TENM2: variants seen among roughly 807,000 people sequenced by gnomAD.
The protein encoded by TENM2 is teneurin transmembrane protein 2.
Under a neutral mutation model 245.2 loss-of-function variants are expected in TENM2, and 52 were observed. That is an observed-to-expected ratio of 0.21 (90% CI 0.17 to 0.27). The LOEUF (loss-of-function observed/expected upper bound fraction) is 0.27. TENM2 is among the 10% of genes least tolerant of loss of function. TENM2 has a pLI of 1.00. For missense variants in TENM2, 3,046 were observed against 3,666.8 expected (o/e 0.83, Z 4.37); for synonymous variants, 1,363 against 1,438.9 (o/e 0.95, Z 1.19).
At chr5:168,260,550 C>T in intron 28 of TENM2, 137 bp downstream of exon 30, 1 of 988,234 alleles carries the variant, frequency 1.0e-6, no homozygotes, top group Non-Finnish European at 1.5e-6. Context: ...CACATTGAGA[C>T]TTCCCAGGAA....
At chr5:167,131,651 G>A in the TENM2 span, among the ~76,000 whole-genome samples, 2 of 152,058 alleles carry the variant, frequency 1.3e-5, no homozygotes, top group African/African-American at 2.4e-5. Flanking sequence ...TAAAAAGAAG[G>A]TGAGGAATAG....
chr5:167,108,223 T>C, the TENM2 span, among the ~76,000 whole-genome samples: 1 of 152,010 alleles, frequency 6.6e-6, no homozygotes, highest in East Asian at 1.9e-4. Flanking sequence ...CCTCCCAGGT[T>C]CAAGTGATTC....
intron 5 of TENM2, among the ~76,000 whole-genome samples, chr5:168,023,760 G>A (rs1786367191): frequency 6.6e-6 from 1 of 152,130 alleles, no homozygotes; most frequent in South Asian, 2.1e-4. Context: ...GCATTTGCCT[G>A]GAAAGGGGGA....
intron 1 of TENM2, among the ~76,000 whole-genome samples, chr5:167,358,803 G>GCACA (rs58530155): frequency 1.1e-3 from 156 of 143,966 alleles, no homozygotes; most frequent in African/African-American, 1.5e-3. Flanking sequence ...ATTCTGATCT[G>GCACA]CACACACACA....
intron 2 of TENM2, among the ~76,000 whole-genome samples, chr5:167,534,448 G>A (rs1771716846): frequency 1.3e-5 from 2 of 152,182 alleles, no homozygotes; most frequent in Non-Finnish European, 2.9e-5. Flanking sequence ...AAATACAGGA[G>A]AGCCAGTTAA....
intron 2 of TENM2, among the ~76,000 whole-genome samples, chr5:167,593,008 A>T (rs1775978582): frequency 1.3e-5 from 2 of 152,154 alleles, no homozygotes; most frequent in African/African-American, 4.8e-5. Context: ...TGTTTTAAAA[A>T]CTTTATTTTA....
At chr5:167,143,242 T>C in the TENM2 span, among the ~76,000 whole-genome samples, 1 of 152,188 alleles carries the variant, frequency 6.6e-6, no homozygotes, top group South Asian at 2.1e-4. Flanking sequence ...ATACGGGTAA[T>C]TGAGACAATA....
rs748674086 is a variant in TENM2 at position 168,247,851 on chromosome 5, C to T, written c.6912C>T (p.Gly2304=). 57 of 1,613,864 alleles carry T rather than the reference C, an allele frequency of 3.5e-5. No individual in the cohort carries two copies. Among genetic ancestry groups the T allele is most frequent in the South Asian group, 7.7e-5 (7 of 91,084 alleles). The change falls in exon 27 of 29, where the codon GGC becomes GGT. Residue 2304 remains glycine, a synonymous_variant. Coordinates refer to ENST00000518659, the Ensembl canonical transcript of TENM2. The surrounding 1 kb of genome is among the most constrained non-coding windows in gnomAD (Gnocchi z 7.8). ...GGAGTGTCCAGTACCGCTATGATGG[C>T]GTAGGACGGCGGGCTTCCTACAAGA...
intron 13 of TENM2, among the ~76,000 whole-genome samples, chr5:168,184,754 C>T (rs1562256892): frequency 6.6e-6 from 1 of 152,178 alleles, no homozygotes; most frequent in South Asian, 2.1e-4. Flanking sequence ...CGACACAGGG[C>T]CTCCTTCCTC....
At chr5:168,038,472 A>G (rs1787899867) in intron 5 of TENM2, among the ~76,000 whole-genome samples, 1 of 152,116 alleles carries the variant, frequency 6.6e-6, no homozygotes, top group South Asian at 2.1e-4. Context: ...CAACACCTTT[A>G]TGCCTCCACT....
chr5:167,642,863 G>A (rs1288091413), intron 2 of TENM2, among the ~76,000 whole-genome samples: 1 of 152,168 alleles, frequency 6.6e-6, no homozygotes, highest in Non-Finnish European at 1.5e-5. Flanking sequence ...GATATAGTAT[G>A]TGAGAAAGGG....
chr5:167,823,942 C>G (rs189122047), intron 2 of TENM2, among the ~76,000 whole-genome samples: 1 of 152,250 alleles, frequency 6.6e-6, no homozygotes, highest in East Asian at 1.9e-4. Flanking sequence ...AGGGCTACAT[C>G]CACACTTCTC....
At chr5:168,060,055 A>G (rs1022857402) in intron 6 of TENM2, among the ~76,000 whole-genome samples, 1 of 152,114 alleles carries the variant, frequency 6.6e-6, no homozygotes, top group African/African-American at 2.4e-5. Flanking sequence ...CTCCCCCTGC[A>G]GGTAAGTAAT....
chr5:167,313,582 A>G (rs1350074562), intron 1 of TENM2, among the ~76,000 whole-genome samples: 1 of 152,206 alleles, frequency 6.6e-6, no homozygotes, highest in Non-Finnish European at 1.5e-5. Flanking sequence ...CCAAATGTCT[A>G]TATGGCCTAT....
At chr5:168,219,708 T>C (rs1763493381) in intron 23 of TENM2, among the ~76,000 whole-genome samples, 1 of 151,382 alleles carries the variant, frequency 6.6e-6, no homozygotes, top group Non-Finnish European at 1.5e-5. Context: ...AATATCTGGC[T>C]CTCCTAGGTG....
intron 2 of TENM2, among the ~76,000 whole-genome samples, chr5:167,483,961 A>G (rs887114632): frequency 2.6e-5 from 4 of 152,200 alleles, no homozygotes; most frequent in Admixed American, 1.3e-4. Context: ...CTAATTATGT[A>G]TACATACTTA....
the TENM2 span, among the ~76,000 whole-genome samples, chr5:167,144,911 T>C: frequency 1.3e-5 from 2 of 152,202 alleles, no homozygotes; most frequent in African/African-American, 4.8e-5. Flanking sequence ...AAAATCAAAG[T>C]GTTGACGTGG....
At chr5:166,996,619 G>A in the TENM2 span, among the ~76,000 whole-genome samples, 4 of 152,172 alleles carry the variant, frequency 2.6e-5, no homozygotes, top group Non-Finnish European at 5.9e-5. Flanking sequence ...AGGTTAAAGG[G>A]CTATGATACA....
intron 2 of TENM2, among the ~76,000 whole-genome samples, chr5:167,581,583 TATAC>T (rs1037004694): frequency 6.6e-6 from 1 of 152,238 alleles, no homozygotes; most frequent in African/African-American, 2.4e-5. Flanking sequence ...GTTACATTTA[TATAC>T]ATACATGTAT....
Sources: gnomAD v4.1 joint callset for allele counts (sites outside exome capture counted in the v4.1 genomes callset) on GRCh38, gnomAD v4.1.1 for gene constraint, Gnocchi (gnomAD v3.1) non-coding constraint, MANE v1.5 for transcripts, NCBI Gene and HGNC (gene_info 2026-07-23, HGNC 2026-07-21) for gene names.